The following BBS12 variants were observed in gnomAD, a reference collection of about 807,000 sequenced individuals.
The protein encoded by BBS12 is chaperonin-containing T-complex member BBS12.
Under a neutral mutation model 5.6 loss-of-function variants are expected in BBS12, and 5 were observed. The ratio of observed to expected loss-of-function variants is 0.89; its 90% CI spans 0.46 to 1.86. The LOEUF is 1.86. Ranked by LOEUF, BBS12 falls within the 40% of genes most tolerant of loss-of-function variation. BBS12 has a pLI of 0.01. For synonymous variants in BBS12, 308 were observed against 306.8 expected (o/e 1.00, Z -0.04); for missense variants, 748 against 830.4 (o/e 0.90, Z 1.22).
At chr4:122,737,878 C>T (rs917709317) in intron 1 of BBS12, among the ~76,000 whole-genome samples, 2 of 152,168 alleles carry the variant, frequency 1.3e-5, no homozygotes, top group Admixed American at 1.3e-4. Context: ...ACATCTATGG[C>T]TAATTGATTT....
At chr4:122,711,395 A>G in the BBS12 span, among the ~76,000 whole-genome samples, 1 of 152,174 alleles carries the variant, frequency 6.6e-6, no homozygotes. Flanking sequence ...GTGGATGTCA[A>G]AGAACACACA....
chr4:122,738,237 G>A (rs557433431), intron 1 of BBS12, among the ~76,000 whole-genome samples: 9 of 151,558 alleles, frequency 5.9e-5, no homozygotes, highest in Non-Finnish European at 8.8e-5. Flanking sequence ...TTTTTTTTGA[G>A]ACAGAGTCTC....
chr4:122,702,429 T>C, the BBS12 span, among the ~76,000 whole-genome samples: 4 of 152,190 alleles, frequency 2.6e-5, no homozygotes, highest in East Asian at 7.7e-4. Flanking sequence ...CTGTTCTTAA[T>C]TTGTCAGTCT....
At chr4:122,741,508 T>C (rs181231525) in intron 1 of BBS12, among the ~76,000 whole-genome samples, 5 of 152,324 alleles carry the variant, frequency 3.3e-5, no homozygotes, top group Admixed American at 3.3e-4. Flanking sequence ...TTTTATATTC[T>C]CATAAAACCA....
At chr4:122,723,965 C>A in the BBS12 span, among the ~76,000 whole-genome samples, 1 of 152,068 alleles carries the variant, frequency 6.6e-6, no homozygotes, top group Non-Finnish European at 1.5e-5. Context: ...TTTAAATATG[C>A]CATCATGTAA....
At chr4:122,724,037 T>C in the BBS12 span, among the ~76,000 whole-genome samples, 1 of 152,254 alleles carries the variant, frequency 6.6e-6, no homozygotes, top group Non-Finnish European at 1.5e-5. Flanking sequence ...GTTCCTTGTA[T>C]ATCTAGCCAT....
At chr4:122,716,634 T>C in the BBS12 span, among the ~76,000 whole-genome samples, 1 of 90,018 alleles carries the variant, frequency 1.1e-5, no homozygotes, top group African/African-American at 3.9e-5. Flanking sequence ...TACACATATG[T>C]ATATACACAC....
chr4:122,714,701 C>G, the BBS12 span, among the ~76,000 whole-genome samples: 36 of 152,008 alleles, frequency 2.4e-4, 1 homozygote, highest in South Asian at 4.6e-3. Context: ...AAACAGAATT[C>G]CATACAACAG....
At position 122,742,879 on chromosome 4, in the gene BBS12, T is replaced by G; in HGVS notation, c.987T>G (p.Cys329Trp). The G allele has an allele frequency of 6.2e-7, 1 of 1,614,248 alleles. No individual in the cohort carries two copies. Among genetic ancestry groups the G allele is most frequent in the Non-Finnish European group, 8.5e-7 (1 of 1,180,040 alleles). Residue 329 changes from cysteine to tryptophan, a missense_variant, in exon 2 of 2, where the codon TGT becomes TGG. Coordinates refer to ENST00000314218, the MANE Select transcript of BBS12 (RefSeq NM_152618.3). ...CAGGCTTACCTGAAACTTCTTCTTGTGTTTGTCCAGGATATATCACTGTTG... is the reference window on the plus strand; with the variant it reads ...CAGGCTTACCTGAAACTTCTTCTTGGGTTTGTCCAGGATATATCACTGTTG... ...CLPGLPETSS[C>W]VCPGYITVVS...
At chr4:122,719,828 G>C in the BBS12 span, among the ~76,000 whole-genome samples, 1 of 152,200 alleles carries the variant, frequency 6.6e-6, no homozygotes, top group East Asian at 1.9e-4. Flanking sequence ...TGTCAGTAAA[G>C]ATATCCTGGG....
chr4:122,718,239 C>T, the BBS12 span, among the ~76,000 whole-genome samples: 1 of 152,108 alleles, frequency 6.6e-6, no homozygotes. Flanking sequence ...CTTTTCAAAA[C>T]CAAAGGCAAA....
the BBS12 span, among the ~76,000 whole-genome samples, chr4:122,724,497 A>T: frequency 6.6e-6 from 1 of 152,222 alleles, no homozygotes; most frequent in Non-Finnish European, 1.5e-5. Flanking sequence ...TTCTTATCTG[A>T]CATATAAGAT....
chr4:122,715,208 T>G, the BBS12 span, among the ~76,000 whole-genome samples: 2 of 151,960 alleles, frequency 1.3e-5, no homozygotes, highest in Admixed American at 1.3e-4. Context: ...GTCTTTACAC[T>G]TGCTCAAATT....
At chr4:122,715,581 C>T in the BBS12 span, among the ~76,000 whole-genome samples, 18 of 152,212 alleles carry the variant, frequency 1.2e-4, no homozygotes, top group South Asian at 8.3e-4. Context: ...TCTTCCACCA[C>T]GAAACACTCC....
chr4:122,725,834 G>C, the BBS12 span, among the ~76,000 whole-genome samples: 7 of 141,028 alleles, frequency 5.0e-5, no homozygotes, highest in African/African-American at 1.9e-4. Flanking sequence ...GGAGGCAGAG[G>C]TTGCAGTGAG....
At chr4:122,731,461 A>G (rs1169504895), upstream of BBS12, 2 of 152,158 alleles carry the variant, frequency 1.3e-5, no homozygotes, top group African/African-American at 2.4e-5. Context: ...CCTAGTTCTA[A>G]TTGCTTCTCT....
chr4:122,724,292 C>T, the BBS12 span, among the ~76,000 whole-genome samples: 4 of 152,146 alleles, frequency 2.6e-5, no homozygotes, highest in Admixed American at 6.5e-5. Context: ...TTTCAAAGCT[C>T]GTTCACATGG....
chr4:122,720,785 A>G, the BBS12 span, among the ~76,000 whole-genome samples: 1 of 151,772 alleles, frequency 6.6e-6, no homozygotes, highest in Non-Finnish European at 1.5e-5. Context: ...AAGACACTCT[A>G]TGAATCTCAT....
At chr4:122,727,886 G>A (rs1011438807), upstream of BBS12, among the ~76,000 whole-genome samples, 3 of 152,000 alleles carry the variant, frequency 2.0e-5, no homozygotes, top group East Asian at 5.8e-4. Flanking sequence ...ATAGGCAAAG[G>A]ACTTTGTTAG....
Sources: gnomAD v4.1 joint callset for allele counts (sites outside exome capture counted in the v4.1 genomes callset) on GRCh38, gnomAD v4.1.1 for gene constraint, MANE v1.5 for transcripts, NCBI Gene and HGNC (gene_info 2026-07-23, HGNC 2026-07-21) for gene names.